Variants in TMEM100 observed in about 807,000 individuals in gnomAD.
The protein encoded by TMEM100 is transmembrane protein 100.
For synonymous variants in TMEM100, 61 were observed against 67.1 expected (o/e 0.91, Z 0.44); for missense variants, 137 against 168.2 (o/e 0.81, Z 1.02).
In TMEM100 at chr17:55,720,894, G is replaced by C. The variant is rs771263112; in HGVS notation, c.177C>G (p.Pro59=). ...TELSCYRCII[P]FAVVVFIAGI... ...CGGCGATGAAGACAACCACAGCAAA[G>C]GGGATGATGCAGCGGTAGCAGGAGA... is the stretch of plus-strand genomic sequence containing the variant. Residue 59 remains proline, a synonymous_variant, in exon 2 of 2, where the codon CCC becomes CCG. Coordinates refer to ENST00000424486, the MANE Select transcript of TMEM100 (RefSeq NM_018286.3). 48 of 1,614,090 alleles carry C rather than the reference G, an allele frequency of 3.0e-5. No homozygotes were observed. Among genetic ancestry groups the C allele is most frequent in the Non-Finnish European group, 4.0e-5 (47 of 1,180,044 alleles).
upstream of TMEM100, among the ~76,000 whole-genome samples, chr17:55,725,465 A>AAAAGC (rs995029831): frequency 3.3e-5 from 5 of 152,314 alleles, no homozygotes; most frequent in Admixed American, 6.5e-5. Context: ...AGATCTTTCA[A>AAAAGC]AAAGCAAAGC....
upstream of TMEM100, among the ~76,000 whole-genome samples, chr17:55,723,929 GT>G (rs1908991747): frequency 6.6e-6 from 1 of 152,140 alleles, no homozygotes; most frequent in Admixed American, 6.5e-5. Context: ...CAGACAAACT[GT>G]GAAATTTTTA....
chr17:55,725,572 G>T (rs532717196), upstream of TMEM100, among the ~76,000 whole-genome samples: 62 of 152,224 alleles, frequency 4.1e-4, no homozygotes, highest in African/African-American at 1.5e-3. Flanking sequence ...CCACATTAGG[G>T]ACCGTAAACA....
chr17:55,729,991 C>T (rs539047810), intron 1 of TMEM100, among the ~76,000 whole-genome samples: 13 of 152,198 alleles, frequency 8.5e-5, no homozygotes, highest in African/African-American at 2.2e-4. Context: ...TATGGAGAAA[C>T]GCTTTTGCCT....
Position 55,722,756 on chromosome 17 carries a change from T to A in TMEM100, c.-203A>T, listed in dbSNP as rs995093202. The A allele has an allele frequency of 2.6e-5, 4 of 152,162 alleles. No individual in the cohort carries two copies. Among genetic ancestry groups the A allele is most frequent in the African/African-American group, 9.7e-5 (4 of 41,438 alleles). 9.4% of individuals were successfully genotyped at this position (152,162 alleles called of 1,614,324 possible). A position where few individuals can be genotyped will look rare whatever the true frequency, so the allele number is the denominator to read the frequency against. Reference sequence around the variant, plus strand: ...TGTCAATAAAACAATAGGTTAGGGATCTCTTCTGGGGAAAGGAAAAGATGT... The same window carrying A: ...TGTCAATAAAACAATAGGTTAGGGAACTCTTCTGGGGAAAGGAAAAGATGT... On this transcript the variant is annotated 5_prime_UTR_variant, in exon 1 of 2. Transcript: ENST00000424486.
chr17:55,720,559 T>A lies in TMEM100; in HGVS notation c.*107A>T. ...CCCTCCCACCCCCATTCTTCCAGTC[T>A]GCTCCAACGCCAAGTCTGTTCTCTC... On this transcript the variant is annotated 3_prime_UTR_variant, in exon 2 of 2. Transcript: ENST00000424486. The A allele has an allele frequency of 1.2e-5, 12 of 971,752 alleles. No homozygotes were observed. The highest frequency in any genetic ancestry group is 2.7e-5 in the Admixed American group (1 of 37,496). 60.2% of individuals were successfully genotyped at this position (971,752 alleles called of 1,614,324 possible). A position where few individuals can be genotyped will look rare whatever the true frequency, so the allele number is the denominator to read the frequency against.
intron 1 of TMEM100, among the ~76,000 whole-genome samples, chr17:55,730,807 C>A (rs1049104168): frequency 6.6e-6 from 1 of 152,152 alleles, no homozygotes; most frequent in Non-Finnish European, 1.5e-5. Context: ...TCTTATGGAA[C>A]AATGCAGAGA....
rs755197957 is a variant in TMEM100 at position 55,720,855 on chromosome 17, G to A, written c.216C>T (p.Thr72=). 20 of 1,614,198 alleles carry A rather than the reference G, an allele frequency of 1.2e-5. No homozygotes were observed. The Admixed American group carries it at 1.8e-4, about 15-fold the overall frequency. Residue 72 remains threonine (T), a synonymous_variant, in exon 2 of 2, where the codon ACC becomes ACT. Transcript: ENST00000424486. ...VVVFIAGIVV[T]AVAYSFNSHG... Reference sequence around the variant, plus strand: ...GGGAATTGAAGCTGTAAGCCACCGCGGTGACCACGATGCCGGCGATGAAGA... The same window carrying A: ...GGGAATTGAAGCTGTAAGCCACCGCAGTGACCACGATGCCGGCGATGAAGA...
At chr17:55,731,291 A>G (rs1909199547) in intron 1 of TMEM100, among the ~76,000 whole-genome samples, 1 of 152,174 alleles carries the variant, frequency 6.6e-6, no homozygotes, top group Admixed American at 6.5e-5. Flanking sequence ...CTTTTTCTAG[A>G]ATCTAGGTTA....
upstream of TMEM100, among the ~76,000 whole-genome samples, chr17:55,725,246 C>A (rs1909031518): frequency 1.3e-5 from 2 of 152,118 alleles, no homozygotes. Context: ...GGGACACCTG[C>A]CCCCAAATGC....
At chr17:55,730,563 T>C (rs1487930954) in intron 1 of TMEM100, among the ~76,000 whole-genome samples, 1 of 152,058 alleles carries the variant, frequency 6.6e-6, no homozygotes, top group Non-Finnish European at 1.5e-5. Context: ...CTTCAAATAA[T>C]CTCTTGGGTT....
At position 55,720,610 on chromosome 17, in the gene TMEM100, T is replaced by A. The variant is rs1308886123; in HGVS notation, c.*56A>T. ...CCACCATGGTTCTGGGTGAATTGGG[T>A]GACAAAGTCAGAGCACGTTTTCCAG... On this transcript the variant is annotated 3_prime_UTR_variant, in exon 2 of 2. Coordinates refer to ENST00000424486, the MANE Select transcript of TMEM100 (RefSeq NM_018286.3). 1.7e-5 allele frequency: 26 copies of A among 1,531,062 alleles called. No individual in the cohort carries two copies. The highest frequency in any genetic ancestry group is 2.3e-5 in the Non-Finnish European group (26 of 1,141,582). 94.8% of individuals were successfully genotyped at this position (1,531,062 alleles called of 1,614,324 possible).
intron 1 of TMEM100, among the ~76,000 whole-genome samples, chr17:55,729,876 A>T (rs988598875): frequency 1.3e-5 from 2 of 152,214 alleles, no homozygotes; most frequent in South Asian, 4.1e-4. Flanking sequence ...TAAGCACTAC[A>T]TAGATATCTT....
In TMEM100 at chr17:55,720,911, A is replaced by T. The variant is rs776146676; in HGVS notation, c.160T>A (p.Tyr54Asn). The T allele has an allele frequency of 6.8e-6, 11 of 1,614,092 alleles. No individual in the cohort carries two copies. The South Asian group carries it at 1.2e-4, about 18-fold the overall frequency. Residue 54 changes from tyrosine (Y) to asparagine (N), a missense_variant, in exon 2 of 2, where the codon TAC (tyrosine) becomes AAC (asparagine). Transcript: ENST00000424486. ...AATGGTELSC[Y>N]RCIIPFAVVV... Reference sequence around the variant, plus strand: ...ACAGCAAAGGGGATGATGCAGCGGTAGCAGGAGAGCTCGGTACCCCCTGTA... The same window carrying T: ...ACAGCAAAGGGGATGATGCAGCGGTTGCAGGAGAGCTCGGTACCCCCTGTA...
At position 55,720,632 on chromosome 17, in the gene TMEM100, C is replaced by T. The variant is rs9893242; in HGVS notation, c.*34G>A. The T allele has an allele frequency of 6.6e-7, 1 of 1,506,114 alleles. No homozygotes were observed. Among genetic ancestry groups the T allele is most frequent in the Non-Finnish European group, 8.9e-7 (1 of 1,122,970 alleles). 93.3% of individuals were successfully genotyped at this position (1,506,114 alleles called of 1,614,324 possible). A position where few individuals can be genotyped will look rare whatever the true frequency, so the allele number is the denominator to read the frequency against. On this transcript the variant is annotated 3_prime_UTR_variant, in exon 2 of 2. Transcript: ENST00000424486. Reference sequence around the variant, plus strand: ...GGGTGACAAAGTCAGAGCACGTTTTCCAGGCCCAATGGCCCATTTGGTCGT... The same window carrying T: ...GGGTGACAAAGTCAGAGCACGTTTTTCAGGCCCAATGGCCCATTTGGTCGT...
At chr17:55,728,589 G>T (rs955341252) in intron 1 of TMEM100, among the ~76,000 whole-genome samples, 5 of 152,208 alleles carry the variant, frequency 3.3e-5, no homozygotes, top group African/African-American at 1.2e-4. Flanking sequence ...TTTAGTTCCT[G>T]TGCTCCTTTG....
intron 1 of TMEM100, among the ~76,000 whole-genome samples, chr17:55,730,785 C>G (rs930614294): frequency 6.6e-6 from 1 of 152,174 alleles, no homozygotes; most frequent in Admixed American, 6.5e-5. Context: ...AACTGTTTAT[C>G]TAATGAACTT....
chr17:55,729,115 T>C (rs1006907144), intron 1 of TMEM100, among the ~76,000 whole-genome samples: 4 of 152,228 alleles, frequency 2.6e-5, no homozygotes, highest in Non-Finnish European at 5.9e-5. Context: ...CAGTGAGCTC[T>C]GTGCATTATA....
rs781293521 is a variant in TMEM100, at chr17:55,720,869, C to T, written c.202G>A (p.Gly68Ser). 5 of 1,614,134 alleles carry T rather than the reference C, an allele frequency of 3.1e-6. No homozygotes were observed. The highest frequency in any genetic ancestry group is 4.2e-6 in the Non-Finnish European group (5 of 1,180,022). ...TAAGCCACCGCGGTGACCACGATGC[C>T]GGCGATGAAGACAACCACAGCAAAG... ...IPFAVVVFIAGIVVTAVAYSF... is the reference protein window; with the variant it reads ...IPFAVVVFIASIVVTAVAYSF... The change falls in exon 2 of 2, where the codon GGC becomes AGC. Residue 68 changes from glycine to serine, a missense_variant. Coordinates refer to ENST00000424486, the MANE Select transcript of TMEM100 (RefSeq NM_018286.3).
Sources: allele counts gnomAD v4.1 joint callset (sites outside exome capture counted in the v4.1 genomes callset), GRCh38; gene constraint gnomAD v4.1.1; transcripts MANE v1.5; gene names NCBI Gene and HGNC (gene_info 2026-07-23, HGNC 2026-07-21).